Variants in ROBO1 observed in about 807,000 individuals in gnomAD.
The protein encoded by ROBO1 is roundabout guidance receptor 1.
In ROBO1, 149 loss-of-function variants were observed where a neutral mutation model predicts 195.9. That is an observed-to-expected ratio of 0.76 (90% confidence interval 0.67 to 0.87). ROBO1 has a LOEUF of 0.87. Among genes scored for constraint, ROBO1 ranks in the 40% least tolerant of loss-of-function variants. The probability of loss-of-function intolerance (pLI) is 0.00; values close to 1 mark genes in which losing one functional copy is unlikely to be tolerated. For synonymous variants in ROBO1, 816 were observed against 733.2 expected, an observed-to-expected ratio of 1.11 and a Z score of -1.82; for missense variants, 1,933 against 2,068.3, an observed-to-expected ratio of 0.93 and a Z score of 1.27.
In ROBO1 at chr3:79,242,577, G is replaced by A. The variant is rs1231046161; in HGVS notation, c.89-117038C>T. ...AAGCCATGGACATGGTGCTGTAGGG[G>A]TGCTACAGAGAGCAATGGATGCTTT... On this transcript the variant is annotated intron_variant, in intron 2 of 30. Coordinates refer to ENST00000464233, the MANE Select transcript of ROBO1 (RefSeq NM_002941.4). Among the ~76,000 whole-genome samples the A allele has an allele frequency of 2.0e-5, 3 of 152,294 alleles. No individual in the cohort carries two copies. The East Asian group carries it at 5.8e-4, about 29-fold the overall frequency.
At position 78,787,926 on chromosome 3, in the gene ROBO1, C is replaced by CTTTTTTTT. The variant is rs71127358; in HGVS notation, c.500-41034_500-41027dup. ...CTGGCCACAGAGTTAGACCCCTTCT[C>CTTTTTTTT]TTTTTTTTTTTTTTTTTTTTTTTTT... On this transcript the variant is annotated intron_variant, in intron 4 of 30. Coordinates refer to ENST00000464233, the MANE Select transcript of ROBO1 (RefSeq NM_002941.4). Among the ~76,000 whole-genome samples the CTTTTTTTT allele has an allele frequency of 2.7e-3, 196 of 71,710 alleles. 8 individuals are homozygous for CTTTTTTTT. Among genetic ancestry groups the CTTTTTTTT allele is most frequent in the Non-Finnish European group, 3.3e-3 (140 of 42,026 alleles). 47.0% of individuals were successfully genotyped at this position (71,710 alleles called of 152,430 possible).
At chr3:79,094,514 T>C (rs1267438716) in intron 3 of ROBO1, among the ~76,000 whole-genome samples, 3 of 152,142 alleles carry the variant, frequency 2.0e-5, no homozygotes, top group Non-Finnish European at 4.4e-5. Context: ...TAGAAGTCTA[T>C]GAATTTGAAT....
chr3:79,478,571 G>A lies in ROBO1; in HGVS notation c.88+111253C>T, dbSNP rs560867134. On this transcript the variant is annotated intron_variant, in intron 2 of 30. Coordinates refer to ENST00000464233, the MANE Select transcript of ROBO1 (RefSeq NM_002941.4). ...ATGCTGTTCAATTCCCAGAAAGCCT[G>A]AGCTGCTTGGGGGAATTATTTAAAT... Among the ~76,000 whole-genome samples, 8 of 152,272 alleles carry A rather than the reference G, an allele frequency of 5.3e-5. No homozygotes were observed. In the South Asian group the frequency reaches 1.5e-3, roughly 28 times the overall value.
chr3:79,247,129 G>GTTTTTTTTTTTTTTTTTT (rs575917340), intron 2 of ROBO1, among the ~76,000 whole-genome samples: 8 of 134,808 alleles, frequency 5.9e-5, no homozygotes, highest in Non-Finnish European at 9.5e-5. Flanking sequence ...CCTGTTTACT[G>GTTTTTTTTTTTTTTTTTT]TTTTTTTTTT....
intron 2 of ROBO1, among the ~76,000 whole-genome samples, chr3:79,423,992 T>C (rs149296267): frequency 3.3e-5 from 5 of 151,926 alleles, no homozygotes; most frequent in African/African-American, 7.3e-5. Context: ...TCTAAATGCA[T>C]GGATTTAGAA....
intron 2 of ROBO1, among the ~76,000 whole-genome samples, chr3:79,373,917 T>C (rs916796601): frequency 2.8e-4 from 43 of 152,322 alleles, no homozygotes; most frequent in African/African-American, 9.4e-4. Flanking sequence ...GTTATCCATT[T>C]ATGCTATTTT....
At chr3:78,978,003 C>A (rs1417801753) in intron 3 of ROBO1, among the ~76,000 whole-genome samples, 1 of 152,142 alleles carries the variant, frequency 6.6e-6, no homozygotes, top group Non-Finnish European at 1.5e-5. Flanking sequence ...AACACATTAA[C>A]CATAAACTGC....
intron 4 of ROBO1, among the ~76,000 whole-genome samples, chr3:78,898,015 T>G (rs1260734101): frequency 6.6e-6 from 1 of 151,596 alleles, no homozygotes; most frequent in Admixed American, 6.6e-5. Flanking sequence ...ATATAATATA[T>G]AAATGCAGAT....
intron 1 of ROBO1, among the ~76,000 whole-genome samples, chr3:79,684,621 G>A (rs1377123290): frequency 6.6e-6 from 1 of 151,878 alleles, no homozygotes; most frequent in African/African-American, 2.4e-5. Context: ...TTACCTGCAT[G>A]TCTCTTAATT....
At chr3:78,684,264 G>A (rs1010065844) in intron 10 of ROBO1, among the ~76,000 whole-genome samples, 1 of 152,028 alleles carries the variant, frequency 6.6e-6, no homozygotes, top group Admixed American at 6.5e-5. Context: ...ATTATTTTGA[G>A]GCAAAAATAT....
At chr3:78,826,442 C>A (rs1278733024) in intron 4 of ROBO1, among the ~76,000 whole-genome samples, 1 of 152,108 alleles carries the variant, frequency 6.6e-6, no homozygotes, top group Non-Finnish European at 1.5e-5. Flanking sequence ...AAAGGAGATT[C>A]TTTTCAGGAC....
intron 5 of ROBO1, among the ~76,000 whole-genome samples, chr3:78,724,224 T>G (rs973528671): frequency 3.3e-5 from 5 of 152,080 alleles, no homozygotes; most frequent in African/African-American, 4.8e-5. Flanking sequence ...TACATTGAAA[T>G]GGATCTTAAA....
intron 1 of ROBO1, among the ~76,000 whole-genome samples, chr3:79,725,103 A>T (rs1702856316): frequency 2.0e-5 from 3 of 151,944 alleles, no homozygotes. Context: ...GTGATAAGGC[A>T]TTGGTGTTTG....
At chr3:79,747,379 C>T (rs1038104684) in intron 1 of ROBO1, among the ~76,000 whole-genome samples, 1 of 151,878 alleles carries the variant, frequency 6.6e-6, no homozygotes, top group Non-Finnish European at 1.5e-5. Context: ...TTTAAAAGCA[C>T]TCTATGTTAA....
At chr3:78,896,564 A>G (rs369868181) in intron 4 of ROBO1, among the ~76,000 whole-genome samples, 40 of 151,014 alleles carry the variant, frequency 2.6e-4, no homozygotes, top group African/African-American at 7.3e-4. Context: ...CCCCAAACCT[A>G]TAAGAACTAA....
intron 2 of ROBO1, among the ~76,000 whole-genome samples, chr3:79,214,186 G>A (rs1386863307): frequency 2.0e-5 from 3 of 151,930 alleles, no homozygotes; most frequent in South Asian, 2.1e-4. Flanking sequence ...TGTTATGGTA[G>A]AAAATTCTTG....
chr3:79,109,946 A>G (rs1273402191), intron 3 of ROBO1, among the ~76,000 whole-genome samples: 3 of 152,174 alleles, frequency 2.0e-5, no homozygotes, highest in African/African-American at 7.2e-5. Context: ...GAAAGCTTAT[A>G]CATGCTGACT....
At chr3:78,824,554 T>A (rs2031398885) in intron 4 of ROBO1, among the ~76,000 whole-genome samples, 1 of 152,124 alleles carries the variant, frequency 6.6e-6, no homozygotes, top group South Asian at 2.1e-4. Flanking sequence ...ATGATGTACA[T>A]CAGGATGTAA....
At chr3:79,246,028 T>C (rs564069128) in intron 2 of ROBO1, among the ~76,000 whole-genome samples, 40 of 152,184 alleles carry the variant, frequency 2.6e-4, no homozygotes, top group African/African-American at 8.9e-4. Context: ...TTAATTAAAT[T>C]GTCTCTCTGG....
Sources: gnomAD v4.1 joint callset for allele counts (sites outside exome capture counted in the v4.1 genomes callset) on GRCh38, gnomAD v4.1.1 for gene constraint, MANE v1.5 for transcripts, NCBI Gene and HGNC (gene_info 2026-07-23, HGNC 2026-07-21) for gene names.